ESRRG: variants seen among roughly 807,000 people sequenced by gnomAD.
ESRRG encodes the protein estrogen related receptor gamma.
ESRRG carries 13 observed loss-of-function variants against 44.0 expected under a neutral mutation model. That is an observed-to-expected ratio of 0.30 (90% CI 0.19 to 0.47). The LOEUF (loss-of-function observed/expected upper bound fraction) is 0.47, where lower values mean the gene tolerates loss of function less well. ESRRG is among the 20% of genes least tolerant of loss of function. The pLI is 1.00. For missense variants in ESRRG, 395 were observed against 580.6 expected (o/e 0.68, Z 3.29); for synonymous variants, 215 against 214.6 (o/e 1.00, Z -0.02).
At chr1:216,708,514 A>G (rs561403172) in intron 1 of ESRRG, among the ~76,000 whole-genome samples, 1 of 152,322 alleles carries the variant, frequency 6.6e-6, no homozygotes, top group African/African-American at 2.4e-5. Flanking sequence ...CCAAAACGAG[A>G]TACCATCTCA....
chr1:216,689,610 T>C (rs2078690783), intron 1 of ESRRG, among the ~76,000 whole-genome samples: 1 of 152,038 alleles, frequency 6.6e-6, no homozygotes, highest in Non-Finnish European at 1.5e-5. Context: ...TTTCAACTAT[T>C]AGAGGTAATA....
intron 3 of ESRRG, among the ~76,000 whole-genome samples, chr1:216,611,240 A>G (rs1305917018): frequency 1.4e-5 from 2 of 142,756 alleles, no homozygotes; most frequent in African/African-American, 5.1e-5. Context: ...AAAAAAAATC[A>G]TCTCAGACAC....
chr1:216,920,713 C>T (rs1325704249), intron 2 of ESRRG, among the ~76,000 whole-genome samples: 1 of 152,148 alleles, frequency 6.6e-6, no homozygotes, highest in Non-Finnish European at 1.5e-5. Flanking sequence ...TACACTGCTG[C>T]CTTTTCTAGC....
At chr1:216,664,049 C>G (rs1433727422) in intron 2 of ESRRG, among the ~76,000 whole-genome samples, 1 of 152,086 alleles carries the variant, frequency 6.6e-6, no homozygotes, top group Non-Finnish European at 1.5e-5. Flanking sequence ...TTTCTAAAAA[C>G]CTTGAATATT....
At chr1:216,972,926 A>G (rs1047070753) in intron 1 of ESRRG, among the ~76,000 whole-genome samples, 1 of 152,166 alleles carries the variant, frequency 6.6e-6, no homozygotes, top group African/African-American at 2.4e-5. Flanking sequence ...TGTGATTTGA[A>G]GATTTTCATT....
chr1:216,818,225 C>T (rs907931253), intron 2 of ESRRG, among the ~76,000 whole-genome samples: 7 of 152,118 alleles, frequency 4.6e-5, no homozygotes, highest in African/African-American at 1.7e-4. Flanking sequence ...AATGAAGTGA[C>T]GTTTTTTGTC....
At chr1:216,783,343 C>T (rs6702277) in intron 2 of ESRRG, among the ~76,000 whole-genome samples, 33,195 of 151,952 alleles carry the variant, frequency 0.22, 3,851 homozygotes, top group East Asian at 0.31. Flanking sequence ...GAGAGCTATG[C>T]TACTTTATTA....
chr1:217,062,177 A>T (rs964581706), intron 1 of ESRRG, among the ~76,000 whole-genome samples: 1 of 152,138 alleles, frequency 6.6e-6, no homozygotes, highest in Non-Finnish European at 1.5e-5. Flanking sequence ...GTGTGAATTA[A>T]TTCTATTTGT....
intron 2 of ESRRG, among the ~76,000 whole-genome samples, chr1:216,891,794 CTTTTTTTTTTTT>C (rs35043282): frequency 9.8e-6 from 1 of 102,384 alleles, no homozygotes; most frequent in African/African-American, 4.3e-5. Context: ...GTGGTGCCCG[CTTTTTTTTTTTT>C]TTTTTTTTTT....
chr1:216,613,163 T>C (rs1017137874), intron 3 of ESRRG, among the ~76,000 whole-genome samples: 2 of 152,344 alleles, frequency 1.3e-5, no homozygotes, highest in Admixed American at 6.5e-5. Flanking sequence ...TGGATTCTTC[T>C]TCTTTGGAAG....
chr1:216,747,785 A>T (rs1291239116), intron 2 of ESRRG, among the ~76,000 whole-genome samples: 9 of 152,190 alleles, frequency 5.9e-5, no homozygotes, highest in African/African-American at 1.9e-4. Flanking sequence ...TCAAACCTTA[A>T]AATATTATTA....
chr1:216,580,264 C>T (rs1297919997), intron 3 of ESRRG, among the ~76,000 whole-genome samples: 1 of 152,144 alleles, frequency 6.6e-6, no homozygotes, highest in Non-Finnish European at 1.5e-5. Context: ...GGAATGTACA[C>T]AGACAAATAT....
chr1:216,774,741 G>A (rs1315406030), intron 2 of ESRRG, among the ~76,000 whole-genome samples: 3 of 149,500 alleles, frequency 2.0e-5, no homozygotes, highest in African/African-American at 7.4e-5. Flanking sequence ...AGTCTAAAAA[G>A]GAATATAGAA....
intron 1 of ESRRG, among the ~76,000 whole-genome samples, chr1:216,945,750 A>T (rs1383528985): frequency 6.6e-6 from 1 of 152,208 alleles, no homozygotes; most frequent in Non-Finnish European, 1.5e-5. Flanking sequence ...TAGACTCTGC[A>T]CCTCATAAAA....
chr1:216,746,307 A>G (rs2091392667), intron 2 of ESRRG, among the ~76,000 whole-genome samples: 2 of 152,180 alleles, frequency 1.3e-5, no homozygotes, highest in South Asian at 2.1e-4. Context: ...CTTTTCCTAG[A>G]TGGAAGCAAT....
chr1:216,920,421 C>T (rs12026611), intron 2 of ESRRG, among the ~76,000 whole-genome samples: 10,562 of 58,994 alleles, frequency 0.18, 435 homozygotes, highest in Non-Finnish European at 0.22. Context: ...TGTGTGTGTG[C>T]GCATATTTTT....
intron 3 of ESRRG, among the ~76,000 whole-genome samples, chr1:216,607,879 A>C (rs189131626): frequency 1.3e-5 from 2 of 152,228 alleles, no homozygotes; most frequent in African/African-American, 2.4e-5. Context: ...GTAATCACAC[A>C]AAACCACTAA....
At chr1:216,813,464 T>C (rs2095038032) in intron 2 of ESRRG, among the ~76,000 whole-genome samples, 1 of 152,214 alleles carries the variant, frequency 6.6e-6, no homozygotes, top group South Asian at 2.1e-4. Context: ...ATGTCCCAAC[T>C]CAGAGGATAT....
chr1:216,739,682 C>T (rs1466766058), intron 2 of ESRRG, among the ~76,000 whole-genome samples: 1 of 152,130 alleles, frequency 6.6e-6, no homozygotes, highest in East Asian at 1.9e-4. Flanking sequence ...GAGTTTGAGA[C>T]CCACTGGTCT....
Sources: gnomAD v4.1 joint callset for allele counts (sites outside exome capture counted in the v4.1 genomes callset) on GRCh38, gnomAD v4.1.1 for gene constraint, MANE v1.5 for transcripts, NCBI Gene and HGNC (gene_info 2026-07-23, HGNC 2026-07-21) for gene names.